Variants in PARD3 observed in about 807,000 individuals in gnomAD.
PARD3 encodes the protein par-3 family cell polarity regulator.
Under a neutral mutation model 155.4 loss-of-function variants are expected in PARD3, and 75 were observed. That is an observed-to-expected ratio of 0.48 (90% CI 0.40 to 0.58). PARD3 has a LOEUF of 0.58. PARD3 is among the 20% of genes least tolerant of loss of function. The probability of loss-of-function intolerance (pLI) is 0.00; values close to 1 mark genes in which losing one functional copy is unlikely to be tolerated. For synonymous variants in PARD3, 576 were observed against 610.5 expected, an observed-to-expected ratio of 0.94 and a Z score of 0.83; for missense variants, 1,642 against 1,721.7, an observed-to-expected ratio of 0.95 and a Z score of 0.82.
At chr10:34,742,859 G>A (rs2095043811) in intron 1 of PARD3, among the ~76,000 whole-genome samples, 1 of 152,190 alleles carries the variant, frequency 6.6e-6, no homozygotes. Flanking sequence ...ACAAGGCACA[G>A]CAGGCCACAA....
At chr10:34,141,959 G>T (rs971637359) in intron 22 of PARD3, among the ~76,000 whole-genome samples, 1 of 152,180 alleles carries the variant, frequency 6.6e-6, no homozygotes, top group Non-Finnish European at 1.5e-5. Flanking sequence ...ACACTGCTTA[G>T]CAAGTTTTTA....
intron 2 of PARD3, among the ~76,000 whole-genome samples, chr10:34,603,507 G>C (rs1248186419): frequency 6.6e-6 from 1 of 152,212 alleles, no homozygotes; most frequent in Non-Finnish European, 1.5e-5. Context: ...CATTGAACAA[G>C]AGATGCTGAA....
intron 22 of PARD3, among the ~76,000 whole-genome samples, chr10:34,205,825 G>A (rs906875369): frequency 6.6e-6 from 1 of 152,192 alleles, no homozygotes; most frequent in Non-Finnish European, 1.5e-5. Flanking sequence ...TGTGGCCATT[G>A]TAGTTGGCGG....
At chr10:34,438,739 A>C (rs1201499861) in intron 5 of PARD3, among the ~76,000 whole-genome samples, 2 of 152,214 alleles carry the variant, frequency 1.3e-5, no homozygotes, top group African/African-American at 4.8e-5. Flanking sequence ...ACAAAAGACA[A>C]ATTTAGATTC....
chr10:34,422,024 G>T (rs2075340244), intron 5 of PARD3, among the ~76,000 whole-genome samples: 1 of 152,144 alleles, frequency 6.6e-6, no homozygotes, highest in African/African-American at 2.4e-5. Flanking sequence ...TTTCCAGGCA[G>T]AGGACCAGAC....
chr10:34,808,841 G>T (rs184935295), intron 1 of PARD3, among the ~76,000 whole-genome samples: 1 of 150,308 alleles, frequency 6.7e-6, no homozygotes, highest in African/African-American at 2.5e-5. Flanking sequence ...CTTCACATCC[G>T]CCAGATTCTC....
chr10:34,587,034 T>C lies in PARD3; in HGVS notation c.223-69875A>G, dbSNP rs150396498. ...GTCAACTGGGACCACAGCCCCAAAA[T>C]TGACATCCTAATGCCCAGCATGGGT... On this transcript the variant is annotated intron_variant, in intron 2 of 24. Transcript: ENST00000374788. 3.0e-3 allele frequency among the ~76,000 whole-genome samples: 450 copies of C among 152,240 alleles called. 2 individuals carry two copies. The highest frequency in any genetic ancestry group is 0.01 in the African/African-American group (425 of 41,530).
At position 34,547,918 on chromosome 10, in the gene PARD3, A is replaced by G. The variant is rs534327048; in HGVS notation, c.223-30759T>C. Among the ~76,000 whole-genome samples, 208 of 152,354 alleles carry G rather than the reference A, an allele frequency of 1.4e-3. 3 individuals carry two copies. In the South Asian group the frequency reaches 0.017, roughly 13 times the overall value. On this transcript the variant is annotated intron_variant, in intron 2 of 24. Transcript: ENST00000374788. ...TAAAAAATTCCCCATGATGTCATAA[A>G]TATTGTTGCACATCAATGGGCTCTA...
At chr10:34,547,650 C>T (rs980432840) in intron 2 of PARD3, among the ~76,000 whole-genome samples, 1 of 152,194 alleles carries the variant, frequency 6.6e-6, no homozygotes, top group Admixed American at 6.5e-5. Flanking sequence ...CAGGTTATCA[C>T]TGAGTGCGCT....
chr10:34,558,993 T>G (rs1398087050), intron 2 of PARD3, among the ~76,000 whole-genome samples: 1 of 152,088 alleles, frequency 6.6e-6, no homozygotes, highest in Admixed American at 6.6e-5. Context: ...TGCCTTCAAA[T>G]CCACACATTT....
intron 2 of PARD3, among the ~76,000 whole-genome samples, chr10:34,580,253 G>A (rs1249808863): frequency 6.6e-6 from 1 of 152,040 alleles, no homozygotes; most frequent in Non-Finnish European, 1.5e-5. Context: ...AGCATGCTTG[G>A]CCAGGCACAG....
At chr10:34,511,830 A>G (rs1402742814) in intron 3 of PARD3, among the ~76,000 whole-genome samples, 1 of 152,088 alleles carries the variant, frequency 6.6e-6, no homozygotes, top group African/African-American at 2.4e-5. Flanking sequence ...GGCTCAAGAA[A>G]TCCTCCTGCC....
chr10:34,228,643 T>C (rs1459565982), intron 22 of PARD3, among the ~76,000 whole-genome samples: 1 of 152,052 alleles, frequency 6.6e-6, no homozygotes, highest in East Asian at 1.9e-4. Context: ...AATTATATGA[T>C]ATGAACATTA....
chr10:34,728,756 A>ATTT (rs2094763470), intron 1 of PARD3, among the ~76,000 whole-genome samples: 1 of 152,140 alleles, frequency 6.6e-6, no homozygotes, highest in Admixed American at 6.5e-5. Flanking sequence ...AAAAGTCCAA[A>ATTT]TTTTCAGGAG....
At chr10:34,340,385 A>G (rs753029950) in intron 16 of PARD3, among the ~76,000 whole-genome samples, 5 of 152,172 alleles carry the variant, frequency 3.3e-5, no homozygotes, top group Non-Finnish European at 7.4e-5. Flanking sequence ...ACAGCAGTCA[A>G]TGTAACACCA....
chr10:34,577,328 A>G (rs1388588046), intron 2 of PARD3, among the ~76,000 whole-genome samples: 6 of 152,126 alleles, frequency 3.9e-5, no homozygotes, highest in African/African-American at 1.4e-4. Flanking sequence ...TTGCTTGGGG[A>G]AAAAAATCTT....
intron 19 of PARD3, among the ~76,000 whole-genome samples, chr10:34,321,583 C>CTTTCAAG (rs1480217776): frequency 6.6e-6 from 1 of 152,176 alleles, no homozygotes; most frequent in Non-Finnish European, 1.5e-5. Flanking sequence ...AAGATAGGCA[C>CTTTCAAG]TTTCAAGTTT....
chr10:34,203,864 A>G (rs1951335410), intron 22 of PARD3, among the ~76,000 whole-genome samples: 1 of 152,238 alleles, frequency 6.6e-6, no homozygotes, highest in East Asian at 1.9e-4. Context: ...AAGTAATAAA[A>G]TAAGGGATAA....
intron 1 of PARD3, among the ~76,000 whole-genome samples, chr10:34,753,098 G>A (rs1199246038): frequency 6.6e-6 from 1 of 152,180 alleles, no homozygotes; most frequent in Non-Finnish European, 1.5e-5. Flanking sequence ...CAAGGACAGG[G>A]CCTCAGGATT....
Sources: gnomAD v4.1 joint callset for allele counts (sites outside exome capture counted in the v4.1 genomes callset) on GRCh38, gnomAD v4.1.1 for gene constraint, MANE v1.5 for transcripts, NCBI Gene and HGNC (gene_info 2026-07-23, HGNC 2026-07-21) for gene names.